ADD3: variants seen among roughly 807,000 people sequenced by gnomAD.
ADD3 encodes gamma-adducin.
A neutral mutation model predicts 80.2 loss-of-function variants in ADD3; 25 were observed. The observed-to-expected ratio is 0.31, with a 90% confidence interval of 0.23 to 0.44. The LOEUF is 0.44. ADD3 is among the 20% of genes least tolerant of loss of function. The pLI, the probability that ADD3 is intolerant of heterozygous loss-of-function variation, is 1.00. For missense variants in ADD3, 829 were observed against 847.5 expected (o/e 0.98, Z 0.27); for synonymous variants, 284 against 289.6 (o/e 0.98, Z 0.20).
chr10:110,027,235 G>GA (rs1854419943), intron 1 of ADD3, among the ~76,000 whole-genome samples: 1 of 152,130 alleles, frequency 6.6e-6, no homozygotes, highest in South Asian at 2.1e-4. Context: ...TCTTTTAAGA[G>GA]AAAATCTAGT....
intron 1 of ADD3, among the ~76,000 whole-genome samples, chr10:110,023,699 G>A (rs1853953984): frequency 6.6e-6 from 1 of 152,124 alleles, no homozygotes; most frequent in African/African-American, 2.4e-5. Flanking sequence ...TTAGAAACTT[G>A]ACTAGTTCTT....
At chr10:110,012,116 C>T (rs1852408336) in intron 1 of ADD3, among the ~76,000 whole-genome samples, 1 of 152,160 alleles carries the variant, frequency 6.6e-6, no homozygotes, top group South Asian at 2.1e-4. Context: ...AACCATGCTA[C>T]TTGAGGGATT....
chr10:110,119,215 C>A lies in ADD3; in HGVS notation c.722C>A (p.Ser241Tyr). 1 of 1,614,024 alleles carries A rather than the reference C, an allele frequency of 6.2e-7. No homozygotes were observed. The highest frequency in any genetic ancestry group is 8.5e-7 in the Non-Finnish European group (1 of 1,179,952). ...GGTATGGGCCAAACCAAATAGGTAT[C>A]CTCCATGAAATGTGGGATCCTTCCA... is the stretch of plus-strand genomic sequence containing the variant. Reference protein sequence around the residue: ...HIHTLATAAVSSMKCGILPIS... With the variant: ...HIHTLATAAVYSMKCGILPIS... The change falls in exon 7 of 15, where the codon TCC (serine) becomes TAC (tyrosine). Residue 241 changes from serine to tyrosine, a missense_variant. Ser to Tyr is a moderately radical substitution (Grantham distance 144). Coordinates refer to ENST00000356080, the MANE Select transcript of ADD3 (RefSeq NM_016824.5).
chr10:110,104,690 A>C (rs1356861744), intron 2 of ADD3, among the ~76,000 whole-genome samples: 1 of 152,248 alleles, frequency 6.6e-6, no homozygotes, highest in African/African-American at 2.4e-5. Context: ...AGAAATTAAT[A>C]AAAGCAAAGT....
chr10:110,121,928 G>C, intron 8 of ADD3, 182 bp from the exon 9 acceptor site: 1 of 466,504 alleles, frequency 2.1e-6, no homozygotes, highest in African/African-American at 2.0e-5. Flanking sequence ...TTCTTTTTCA[G>C]ATAGGTGGAA....
intron 5 of ADD3, among the ~76,000 whole-genome samples, chr10:110,118,331 G>C (rs1236648033): frequency 6.6e-6 from 1 of 152,134 alleles, no homozygotes; most frequent in Non-Finnish European, 1.5e-5. Context: ...TTCTTGCCAA[G>C]TACCAAGTTT....
intron 2 of ADD3, among the ~76,000 whole-genome samples, chr10:110,108,266 C>T (rs1249772912): frequency 6.6e-6 from 1 of 152,118 alleles, no homozygotes; most frequent in African/African-American, 2.4e-5. Flanking sequence ...CCATTGCAGT[C>T]TAATGCTCTA....
At chr10:110,089,218 A>T (rs1420486316) in intron 1 of ADD3, among the ~76,000 whole-genome samples, 1 of 151,910 alleles carries the variant, frequency 6.6e-6, no homozygotes, top group Non-Finnish European at 1.5e-5. Context: ...CCAAATAAGA[A>T]TCAAAGACTT....
chr10:110,101,731 T>A (rs1848834022), intron 2 of ADD3, among the ~76,000 whole-genome samples: 2 of 152,196 alleles, frequency 1.3e-5, no homozygotes, highest in African/African-American at 4.8e-5. Context: ...ATCTGTTTTC[T>A]TACAAAATCT....
chr10:110,119,335 T>G lies in ADD3; in HGVS notation c.842T>G (p.Val281Gly). The part of the protein sequence containing the change: ...EQEERIQLQK[V>G]LGPSCKVLVL... The stretch of plus-strand genomic sequence containing the variant: ...GAGGAGAGAATTCAACTGCAGAAGG[T>G]TCTGGGACCAAGTTGTAAGGTATGT... Residue 281 changes from valine (V) to glycine (G), a missense_variant, in exon 7 of 15, where the codon GTT becomes GGT. Physicochemically the swap from Val to Gly is moderately radical, Grantham distance 109. Coordinates refer to ENST00000356080, the MANE Select transcript of ADD3 (RefSeq NM_016824.5). 6.2e-7 allele frequency: 1 copy of G among 1,614,084 alleles called. No homozygotes were observed. Among genetic ancestry groups the G allele is most frequent in the Non-Finnish European group, 8.5e-7 (1 of 1,179,984 alleles).
At position 110,079,461 on chromosome 10, in the gene ADD3, A is replaced by AGTGTGT. The variant is rs1164637976; in HGVS notation, c.-29-21128_-29-21123dup. The stretch of plus-strand genomic sequence containing the variant: ...GAGAGAGAGAGAGAGAGAGAGAGAG[A>AGTGTGT]GTGTGTGTGTGTGTGTGTGTGTGTG... On this transcript the variant is annotated intron_variant, in intron 1 of 14. Coordinates refer to ENST00000356080, the MANE Select transcript of ADD3 (RefSeq NM_016824.5). Among the ~76,000 whole-genome samples the AGTGTGT allele has an allele frequency of 1.5e-3, 142 of 97,450 alleles. 1 individual carries two copies. The highest frequency in any genetic ancestry group is 4.5e-3 in the African/African-American group (99 of 21,920). 63.9% of individuals were successfully genotyped at this position (97,450 alleles called of 152,430 possible). A position where few individuals can be genotyped will look rare whatever the true frequency, so the allele number is the denominator to read the frequency against.
chr10:110,044,000 A>C (rs1222287502), intron 1 of ADD3, among the ~76,000 whole-genome samples: 1 of 152,110 alleles, frequency 6.6e-6, no homozygotes, highest in Non-Finnish European at 1.5e-5. Flanking sequence ...CGAGGTCAAG[A>C]GTTCAAGACC....
intron 1 of ADD3, chr10:110,075,556 G>T (rs1316295028): frequency 1.3e-5 from 2 of 152,180 alleles, no homozygotes; most frequent in African/African-American, 4.8e-5. Context: ...GGCAGTTGTG[G>T]ATGGAATTAA....
At chr10:110,007,491 C>A (rs1426721969), upstream of ADD3, among the ~76,000 whole-genome samples, 1 of 152,120 alleles carries the variant, frequency 6.6e-6, no homozygotes, top group East Asian at 1.9e-4. Context: ...GTAGGGGGCT[C>A]GCTCATTTAG....
At chr10:110,010,778 C>G (rs1395742004) in intron 1 of ADD3, among the ~76,000 whole-genome samples, 4 of 152,100 alleles carry the variant, frequency 2.6e-5, no homozygotes, top group African/African-American at 9.7e-5. Context: ...AGAGTCTGGC[C>G]CAAGAGTGAG....
At chr10:110,063,780 T>TATATAAATATAAATAA (rs1554927136) in intron 1 of ADD3, among the ~76,000 whole-genome samples, 3 of 112,574 alleles carry the variant, frequency 2.7e-5, no homozygotes, top group African/African-American at 1.0e-4. Context: ...TATATATATA[T>TATATAAATATAAATAA]ATAAAGTGAA....
upstream of ADD3, among the ~76,000 whole-genome samples, chr10:110,002,305 G>A (rs1180122526): frequency 3.3e-5 from 5 of 151,646 alleles, no homozygotes; most frequent in Non-Finnish European, 7.4e-5. Context: ...ACGGAGTCTC[G>A]CTCTGTCACC....
chr10:109,999,015 C>T (rs1283785360), intron 1 of ADD3, among the ~76,000 whole-genome samples: 1 of 152,118 alleles, frequency 6.6e-6, no homozygotes, highest in Non-Finnish European at 1.5e-5. Flanking sequence ...TTTGTCTCTA[C>T]CACCCAGAAC....
chr10:110,072,850 C>G (rs1844897433), intron 1 of ADD3, among the ~76,000 whole-genome samples: 1 of 152,226 alleles, frequency 6.6e-6, no homozygotes, highest in Admixed American at 6.5e-5. Flanking sequence ...TGAATTAAAA[C>G]TATAGGATGG....
Sources: allele counts gnomAD v4.1 joint callset (sites outside exome capture counted in the v4.1 genomes callset), GRCh38; gene constraint gnomAD v4.1.1; transcripts MANE v1.5; gene names NCBI Gene and HGNC (gene_info 2026-07-23, HGNC 2026-07-21).